Variants in BCL2L13 observed in about 807,000 individuals in gnomAD.
BCL2L13 encodes the protein BCL2 like 13.
A neutral mutation model predicts 25.8 loss-of-function variants in BCL2L13; 13 were observed. The ratio of observed to expected loss-of-function variants is 0.50; its 90% CI spans 0.33 to 0.80. The LOEUF (loss-of-function observed/expected upper bound fraction) is 0.80, where lower values mean the gene tolerates loss of function less well. Among genes scored for constraint, BCL2L13 ranks in the 30% least tolerant of loss-of-function variants. The pLI, the probability that BCL2L13 is intolerant of heterozygous loss-of-function variation, is 0.02. For missense variants in BCL2L13, 504 were observed against 574.9 expected (o/e 0.88, Z 1.26); for synonymous variants, 244 against 230.3 (o/e 1.06, Z -0.54).
rs545413568 is a variant in BCL2L13, at chr22:17,719,541, G to A, written c.601-7136G>A. ...CCAGCTAATTAATAAGTAAAATGTC[G>A]TGCCTACCTACAATGAAATATTATT... On this transcript the variant is annotated intron_variant, in intron 6 of 6. Transcript: ENST00000317582. Among the ~76,000 whole-genome samples the A allele has an allele frequency of 4.7e-3, 714 of 152,124 alleles. 2 individuals are homozygous for A. The highest frequency in any genetic ancestry group is 0.016 in the African/African-American group (643 of 41,476).
chr22:17,658,696 CA>C (rs34033346), intron 2 of BCL2L13, among the ~76,000 whole-genome samples: 48,492 of 104,232 alleles, frequency 0.47, 10,005 homozygotes, highest in East Asian at 0.76. Context: ...ACTCTGTCAC[CA>C]AAAAAAAAAA....
chr22:17,728,367 C>A lies in BCL2L13; in HGVS notation c.*833C>A, dbSNP rs1318136673. The A allele has an allele frequency of 2.6e-5, 4 of 152,234 alleles. No individual in the cohort carries two copies. Among genetic ancestry groups the A allele is most frequent in the Non-Finnish European group, 4.4e-5 (3 of 68,052 alleles). 9.4% of individuals were successfully genotyped at this position (152,234 alleles called of 1,614,324 possible). ...ACATGAAGGAGACCTGGGGTCCCCA[C>A]TTGTGAGTGCAACTGCAAGTAACTC... On this transcript the variant is annotated 3_prime_UTR_variant, in exon 7 of 7. Coordinates refer to ENST00000317582, the MANE Select transcript of BCL2L13 (RefSeq NM_015367.4).
At chr22:17,662,705 G>A (rs2146557822) in intron 2 of BCL2L13, among the ~76,000 whole-genome samples, 1 of 152,034 alleles carries the variant, frequency 6.6e-6, no homozygotes, top group Middle Eastern at 3.4e-3. Context: ...CATAATCCCA[G>A]CTACTCAGGA....
intron 3 of BCL2L13, among the ~76,000 whole-genome samples, chr22:17,686,731 G>A (rs77028145): frequency 6.6e-6 from 1 of 151,920 alleles, no homozygotes; most frequent in Admixed American, 6.6e-5. Flanking sequence ...GGCTGGTCTC[G>A]ATCTCCTGAC....
chr22:17,674,197 G>A (rs552177557), intron 2 of BCL2L13, among the ~76,000 whole-genome samples: 2 of 152,210 alleles, frequency 1.3e-5, no homozygotes, highest in South Asian at 2.1e-4. Flanking sequence ...ACATTTTGAA[G>A]TAGAGAGTTA....
chr22:17,668,015 ATTC>A (rs1431046734), intron 2 of BCL2L13, among the ~76,000 whole-genome samples: 2 of 31,864 alleles, frequency 6.3e-5, no homozygotes, highest in East Asian at 6.7e-4. Context: ...GTAGTTGCCT[ATTC>A]TTTTTTTTTT....
intron 6 of BCL2L13, among the ~76,000 whole-genome samples, chr22:17,716,677 T>C (rs2060954196): frequency 6.6e-6 from 1 of 152,230 alleles, no homozygotes; most frequent in South Asian, 2.1e-4. Flanking sequence ...ATTCTAAATA[T>C]TGTATGAGTT....
intron 6 of BCL2L13, among the ~76,000 whole-genome samples, chr22:17,723,367 T>G (rs1376369090): frequency 6.6e-6 from 1 of 152,232 alleles, no homozygotes; most frequent in Non-Finnish European, 1.5e-5. Context: ...AGACAGATTT[T>G]ACTTTACAGT....
chr22:17,660,933 T>C lies in BCL2L13; in HGVS notation c.121+5101T>C, dbSNP rs192517782. 3.9e-3 allele frequency among the ~76,000 whole-genome samples: 516 copies of C among 132,928 alleles called. 21 individuals are homozygous for C. Among genetic ancestry groups the C allele is most frequent in the African/African-American group, 0.013 (499 of 37,560 alleles). 87.2% of individuals were successfully genotyped at this position (132,928 alleles called of 152,430 possible). A position where few individuals can be genotyped will look rare whatever the true frequency, so the allele number is the denominator to read the frequency against. On this transcript the variant is annotated intron_variant, in intron 2 of 6. Transcript: ENST00000317582. ...CCAAGTAGCTGGGACTACAGACGCATGCCACCACACCCAGCTAATTTTTTT... is the reference window on the plus strand; with the variant it reads ...CCAAGTAGCTGGGACTACAGACGCACGCCACCACACCCAGCTAATTTTTTT...
At chr22:17,657,823 C>CTTTTTTTTTTTTTTTTTTTTTTTT (rs71201859) in intron 2 of BCL2L13, among the ~76,000 whole-genome samples, 1 of 85,772 alleles carries the variant, frequency 1.2e-5, no homozygotes, top group African/African-American at 4.4e-5. Context: ...GTTGACATTT[C>CTTTTTTTTTTTTTTTTTTTTTTTT]TTTTTTTTTT....
At chr22:17,715,885 A>G (rs1451342565) in intron 6 of BCL2L13, among the ~76,000 whole-genome samples, 1 of 152,222 alleles carries the variant, frequency 6.6e-6, no homozygotes, top group Non-Finnish European at 1.5e-5. Flanking sequence ...ACAGAGATGA[A>G]TAAAGAGCTG....
chr22:17,717,044 G>A (rs188596153), intron 6 of BCL2L13, among the ~76,000 whole-genome samples: 1 of 152,226 alleles, frequency 6.6e-6, no homozygotes, highest in Admixed American at 6.5e-5. Flanking sequence ...CCTATGCTTT[G>A]GCATACAGAA....
intron 1 of BCL2L13, among the ~76,000 whole-genome samples, chr22:17,649,931 C>T (rs1368106392): frequency 3.0e-5 from 4 of 133,334 alleles, no homozygotes; most frequent in Admixed American, 2.6e-4. Flanking sequence ...GAGTGCAATG[C>T]GTAATCTTGG....
chr22:17,639,662 A>G (rs1168826289), intron 1 of BCL2L13, among the ~76,000 whole-genome samples: 1 of 152,194 alleles, frequency 6.6e-6, no homozygotes, highest in African/African-American at 2.4e-5. Flanking sequence ...GTCTCTGTTT[A>G]GAAGTTTGAA....
intron 2 of BCL2L13, among the ~76,000 whole-genome samples, chr22:17,665,316 G>C (rs2059201333): frequency 6.6e-6 from 1 of 152,074 alleles, no homozygotes; most frequent in African/African-American, 2.4e-5. Flanking sequence ...ACCTCAACTT[G>C]GACTTTATCG....
At chr22:17,634,961 A>G (rs2058081069), upstream of BCL2L13, among the ~76,000 whole-genome samples, 2 of 106,122 alleles carry the variant, frequency 1.9e-5, no homozygotes, top group East Asian at 2.1e-4. Flanking sequence ...TCTCAAAAGG[A>G]AAAAAAAAAA....
At chr22:17,698,677 C>T (rs1002149675) in intron 5 of BCL2L13, among the ~76,000 whole-genome samples, 1 of 151,534 alleles carries the variant, frequency 6.6e-6, no homozygotes, top group Non-Finnish European at 1.5e-5. Flanking sequence ...TGCAGTGAGC[C>T]GAGATCATGC....
At chr22:17,649,871 C>CTTTTTTTTTTTTTT (rs71201855) in intron 1 of BCL2L13, among the ~76,000 whole-genome samples, 1 of 94,388 alleles carries the variant, frequency 1.1e-5, no homozygotes, top group Non-Finnish European at 2.1e-5. Context: ...TTTTTCTTTT[C>CTTTTTTTTTTTTTT]TTTTTTTTTT....
At chr22:17,669,030 CTTTTTTTT>C (rs537315017) in intron 2 of BCL2L13, among the ~76,000 whole-genome samples, 24 of 111,834 alleles carry the variant, frequency 2.1e-4, no homozygotes, top group African/African-American at 7.6e-4. Context: ...CTGTTTCTTT[CTTTTTTTT>C]TTTTTTTTTT....
Sources: allele counts gnomAD v4.1 joint callset (sites outside exome capture counted in the v4.1 genomes callset), GRCh38; gene constraint gnomAD v4.1.1; transcripts MANE v1.5; gene names NCBI Gene and HGNC (gene_info 2026-07-23, HGNC 2026-07-21).